Variants in MYH6 observed in about 807,000 individuals in gnomAD.
MYH6 encodes myosin heavy chain 6.
MYH6 carries 126 observed loss-of-function variants against 223.2 expected under a neutral mutation model. The observed-to-expected ratio is 0.56, with a 90% CI of 0.49 to 0.65. The LOEUF (loss-of-function observed/expected upper bound fraction) is 0.65, where lower values mean the gene tolerates loss of function less well. MYH6 is among the 30% of genes least tolerant of loss of function. The pLI is 0.00. For missense variants in MYH6, 2,040 were observed against 2,536.4 expected, an observed-to-expected ratio of 0.80 and a Z score of 4.20; for synonymous variants, 978 against 1,010.2, an observed-to-expected ratio of 0.97 and a Z score of 0.61.
At chr14:23,385,705 G>A (rs559613586) in intron 34 of MYH6, among the ~76,000 whole-genome samples, 9 of 152,134 alleles carry the variant, frequency 5.9e-5, no homozygotes, top group African/African-American at 2.2e-4. Flanking sequence ...CAGATTTGTG[G>A]CTTTGGCAGG....
chr14:23,388,721 T>A lies in MYH6; in HGVS notation c.4175+138A>T, dbSNP rs73604573. 8.7e-3 allele frequency: 11,537 copies of A among 1,330,794 alleles called. 339 individuals carry two copies. In the African/African-American group the frequency reaches 0.092, roughly 11 times the overall value. 82.4% of individuals were successfully genotyped at this position (1,330,794 alleles called of 1,614,324 possible). A position where few individuals can be genotyped will look rare whatever the true frequency, so the allele number is the denominator to read the frequency against. ...CACAGAGCAAAGAGTTCAGGCTTTC[T>A]TCCAAGCACTTCTGTTGCCCTCCGA... On this transcript the variant is annotated intron_variant, in intron 29 of 38. Coordinates refer to ENST00000405093, the MANE Select transcript of MYH6 (RefSeq NM_002471.4).
rs371361552 is a variant in MYH6 at position 23,386,093 on chromosome 14, G to A, written c.4998C>T (p.Asn1666=). 17 of 1,614,096 alleles carry A rather than the reference G, an allele frequency of 1.1e-5. No individual in the cohort carries two copies. In the East Asian group the frequency reaches 1.1e-4, roughly 11 times the overall value. The change falls in exon 34 of 39, where the codon AAC becomes AAT. Residue 1666 remains asparagine (N), a synonymous_variant. Transcript: ENST00000405093. ...QIQLDDAVRA[N]DDLKENIAIV... ...TGGCGATGTTCTCCTTCAGGTCGTC[G>A]TTGGCACGGACCGCATCGTCCAGCT...
chr14:23,398,789 G>T lies in MYH6; in HGVS notation c.1830C>A (p.Tyr610Ter). Residue 610 changes from tyrosine to a stop codon, truncating the protein, a stop_gained, in exon 15 of 39, where the codon TAC becomes TAA. Transcript: ENST00000405093. LOFTEE classifies it high-confidence loss of function. Reference sequence around the variant, plus strand: ...CCATGAGCTTGAGGGAGGACTTCTGGTACAGGGCCACAACAGTCTCGTTGA... The same window carrying T: ...CCATGAGCTTGAGGGAGGACTTCTGTTACAGGGCCACAACAGTCTCGTTGA... ...DPLNETVVAL[Y>*]QKSSLKLMAT... 1 of 1,614,192 alleles carries T rather than the reference G, an allele frequency of 6.2e-7. No individual in the cohort carries two copies. Among genetic ancestry groups the T allele is most frequent in the Non-Finnish European group, 8.5e-7 (1 of 1,180,034 alleles).
rs1273158949 is a variant in MYH6 at position 23,405,426 on chromosome 14, G to A, written c.346-47C>T. On this transcript the variant is annotated intron_variant, in intron 4 of 38. Coordinates refer to ENST00000405093, the MANE Select transcript of MYH6 (RefSeq NM_002471.4). This position sits in a 1 kb window ranked among gnomAD's most constrained non-coding sequence, Gnocchi z 4.7. ...GGCATGAGGTTGGTGGGGAGAGCCT[G>A]GGACAGGCAGTGGTGGCAGCCAGGC... 1 of 1,613,656 alleles carries A rather than the reference G, an allele frequency of 6.2e-7. No homozygotes were observed. The highest frequency in any genetic ancestry group is 1.7e-5 in the Admixed American group (1 of 60,014).
At position 23,394,644 on chromosome 14, in the gene MYH6, A is replaced by G. The variant is rs191942528; in HGVS notation, c.2430-321T>C. On this transcript the variant is annotated intron_variant, in intron 20 of 38. Transcript: ENST00000405093. ...TAGGGGTTTACATATAAGAATGTCT[A>G]TAATAAGTATGTAAGTTATGCAGCA... Among the ~76,000 whole-genome samples the G allele has an allele frequency of 1.8e-4, 28 of 152,312 alleles. 1 individual carries two copies. In the East Asian group the frequency reaches 4.4e-3, roughly 24 times the overall value.
chr14:23,396,864 C>T (rs1891411804), intron 18 of MYH6, 47 bp from the exon 19 acceptor site: 1 of 1,613,342 alleles, frequency 6.2e-7, no homozygotes, highest in South Asian at 1.1e-5. Context: ...CAGTGATCTG[C>T]TCTGCCCACA....
chr14:23,404,590 A>G, intron 7 of MYH6, 121 bp downstream of exon 7: 2 of 1,136,170 alleles, frequency 1.8e-6, no homozygotes, highest in Non-Finnish European at 2.6e-6. Context: ...TGGGCTGACC[A>G]TCGGGAGCCC....
chr14:23,406,325 T>C (rs759336937), intron 3 of MYH6, among the ~76,000 whole-genome samples: 1 of 152,214 alleles, frequency 6.6e-6, no homozygotes, highest in Non-Finnish European at 1.5e-5. Flanking sequence ...GTGTTTTTTA[T>C]AGTGGAGAAA....
In MYH6 at chr14:23,387,667, G is replaced by A. The variant is rs1403871781; in HGVS notation, c.4526-14C>T. ...CCGAGATTTCCTCTGGGGACCAGAGGGCCAGAAAGCTCAAAGCCTATGTTC... is the reference window on the plus strand; with the variant it reads ...CCGAGATTTCCTCTGGGGACCAGAGAGCCAGAAAGCTCAAAGCCTATGTTC... On this transcript the variant is annotated splice_polypyrimidine_tract_variant and intron_variant, in intron 31 of 38. Coordinates refer to ENST00000405093, the MANE Select transcript of MYH6 (RefSeq NM_002471.4). 2 of 1,614,048 alleles carry A rather than the reference G, an allele frequency of 1.2e-6. No individual in the cohort carries two copies. The highest frequency in any genetic ancestry group is 2.2e-5 in the South Asian group (2 of 91,066).
Position 23,388,140 on chromosome 14 carries a change from C to T in MYH6, c.4359+15G>A, listed in dbSNP as rs1891096042. The T allele has an allele frequency of 6.2e-7, 1 of 1,612,258 alleles. No individual in the cohort carries two copies. The highest frequency in any genetic ancestry group is 1.7e-5 in the Admixed American group (1 of 60,032). On this transcript the variant is annotated intron_variant, in intron 30 of 38. Coordinates refer to ENST00000405093, the MANE Select transcript of MYH6 (RefSeq NM_002471.4). ...TTGCCCTGCATGCTGGCTGCGGCCC[C>T]CGCCCATGGTCCACCTTGTCAAAGT... is the stretch of plus-strand genomic sequence containing the variant.
In MYH6 at chr14:23,389,404, C is replaced by G. The variant is rs1891155048; in HGVS notation, c.3967G>C (p.Glu1323Gln). ...CCACTGGGCCTCACCTTGCCCTCCT[C>G]CTCCAGCTGCCTTTTGAGGTCCTCC... ...QMEDLKRQLE[E>Q]EGKAKNALAH... is the part of the protein sequence containing the mutation. Residue 1323 changes from glutamate (E) to glutamine (Q), a missense_variant, in exon 28 of 39, where the codon GAG becomes CAG. Coordinates refer to ENST00000405093, the MANE Select transcript of MYH6 (RefSeq NM_002471.4). 1 of 1,614,066 alleles carries G rather than the reference C, an allele frequency of 6.2e-7. No individual in the cohort carries two copies. The highest frequency in any genetic ancestry group is 1.1e-5 in the South Asian group (1 of 91,082).
At chr14:23,394,488 A>G (rs1297055234) in intron 20 of MYH6, among the ~76,000 whole-genome samples, 165 bp from the exon 21 acceptor site, 1 of 152,194 alleles carries the variant, frequency 6.6e-6, no homozygotes, top group Non-Finnish European at 1.5e-5. Context: ...TTTATTAATC[A>G]ATTTGATGAA....
rs73604573 is a variant in MYH6, at chr14:23,388,721, T to C, written c.4175+138A>G. On this transcript the variant is annotated intron_variant, in intron 29 of 38. Coordinates refer to ENST00000405093, the MANE Select transcript of MYH6 (RefSeq NM_002471.4). ...CACAGAGCAAAGAGTTCAGGCTTTC[T>C]TCCAAGCACTTCTGTTGCCCTCCGA... The C allele has an allele frequency of 1.2e-5, 16 of 1,330,718 alleles. No individual in the cohort carries two copies. The African/African-American group carries it at 2.0e-4, about 17-fold the overall frequency. 82.4% of individuals were successfully genotyped at this position (1,330,718 alleles called of 1,614,324 possible).
intron 14 of MYH6, chr14:23,399,933 A>G: frequency 2.5e-6 from 1 of 399,248 alleles, no homozygotes; most frequent in Non-Finnish European, 4.7e-6. Context: ...GAGGCCAAAC[A>G]TCTCTAATTT....
rs149314355 is a variant in MYH6 at position 23,387,897 on chromosome 14, A to G, written c.4386T>C (p.Tyr1462=). Residue 1462 remains tyrosine (Y), a synonymous_variant, in exon 31 of 39, where the codon TAT becomes TAC. Coordinates refer to ENST00000405093, the MANE Select transcript of MYH6 (RefSeq NM_002471.4). ...DKILAEWKQK[Y]EESQSELESS... is the part of the protein sequence containing the mutation. ...ACTCCAGCTCAGACTGCGACTCCTCATACTTCTGCTTCCACTCGGCCAGGA... is the reference window on the plus strand; with the variant it reads ...ACTCCAGCTCAGACTGCGACTCCTCGTACTTCTGCTTCCACTCGGCCAGGA... 41 of 1,613,822 alleles carry G rather than the reference A, an allele frequency of 2.5e-5. No individual in the cohort carries two copies. In the African/African-American group the frequency reaches 4.9e-4, roughly 19 times the overall value.
rs556493681 is a variant in MYH6, at chr14:23,405,902, C to T, written c.202-132G>A. The T allele has an allele frequency of 7.1e-6, 8 of 1,122,342 alleles. No individual in the cohort carries two copies. In the African/African-American group the frequency reaches 1.1e-4, roughly 15 times the overall value. 69.5% of individuals were successfully genotyped at this position (1,122,342 alleles called of 1,614,324 possible). On this transcript the variant is annotated intron_variant, in intron 3 of 38. Transcript: ENST00000405093. The surrounding 1 kb of genome is among the most constrained non-coding windows in gnomAD (Gnocchi z 4.7). The stretch of plus-strand genomic sequence containing the variant: ...CCCCTTGCTCTGACCAGTGCCCCGG[C>T]CCCTACCCCGATGTCCCCTGGGACA...
chr14:23,406,679 C>A (rs1038748945), intron 3 of MYH6, among the ~76,000 whole-genome samples: 34 of 152,302 alleles, frequency 2.2e-4, no homozygotes, highest in African/African-American at 8.2e-4. Context: ...ATGGAGGAAA[C>A]TGAGGCACAG....
At chr14:23,401,583 C>A (rs1891602499) in intron 12 of MYH6, among the ~76,000 whole-genome samples, 1 of 152,234 alleles carries the variant, frequency 6.6e-6, no homozygotes, top group Non-Finnish European at 1.5e-5. Context: ...CTGCTGTGGG[C>A]ATATCCCCAC....
In MYH6 at chr14:23,390,284, G is replaced by A. The variant is rs771879688; in HGVS notation, c.3505C>T (p.Arg1169Cys). 14 of 1,598,562 alleles carry A rather than the reference G, an allele frequency of 8.8e-6. No individual in the cohort carries two copies. In the East Asian group the frequency reaches 1.6e-4, roughly 18 times the overall value. Residue 1169 changes from arginine (R) to cysteine (C), a missense_variant, in exon 26 of 39, where the codon CGC becomes TGC. This residue lies in a region of MYH6 where 1,203 missense variants were observed against 1,400.2 expected (regional missense o/e 0.86). Transcript: ENST00000405093. ...CGCATCTTCTGGAACTCGGCCTCGC[G>A]CTTCTTGTTCATCTCGATCTGCACG... ...TSVQIEMNKK[R>C]EAEFQKMRRD...
Sources: gnomAD v4.1 joint callset for allele counts (sites outside exome capture counted in the v4.1 genomes callset) on GRCh38, gnomAD v4.1.1 for gene constraint, gnomAD v4.1.1 regional missense constraint, Gnocchi (gnomAD v3.1) non-coding constraint, MANE v1.5 for transcripts, NCBI Gene and HGNC (gene_info 2026-07-23, HGNC 2026-07-21) for gene names.